The following NDUFS4 variants were observed in gnomAD, a reference collection of about 807,000 sequenced individuals.
NDUFS4 encodes the protein NADH dehydrogenase [ubiquinone] iron-sulfur protein 4, mitochondrial.
A neutral mutation model predicts 24.3 loss-of-function variants in NDUFS4; 28 were observed. That is an observed-to-expected ratio of 1.15 (90% CI 0.85 to 1.58). The LOEUF is 1.58. Ranked by LOEUF, NDUFS4 falls within the 40% of genes most tolerant of loss-of-function variation. The probability of loss-of-function intolerance (pLI) is 0.00; values close to 1 mark genes in which losing one functional copy is unlikely to be tolerated. For synonymous variants in NDUFS4, 93 were observed against 69.7 expected, an observed-to-expected ratio of 1.34 and a Z score of -1.67; for missense variants, 223 against 207.9, an observed-to-expected ratio of 1.07 and a Z score of -0.45.
chr5:53,587,906 C>G (rs1467966166), intron 1 of NDUFS4, among the ~76,000 whole-genome samples: 1 of 152,124 alleles, frequency 6.6e-6, no homozygotes, highest in African/African-American at 2.4e-5. Flanking sequence ...TAAATTACCA[C>G]TCAGTCAATG....
chr5:53,658,518 G>A (rs112872688), intron 3 of NDUFS4, 33 bp from the exon 4 acceptor site: 2 of 1,510,598 alleles, frequency 1.3e-6, no homozygotes, highest in African/African-American at 2.7e-5. Context: ...AAAGCTTAAT[G>A]TTAAATCTTG....
intron 2 of NDUFS4, among the ~76,000 whole-genome samples, chr5:53,639,217 CTA>C (rs144977023): frequency 0.096 from 14,479 of 150,978 alleles, 998 homozygotes; most frequent in Admixed American, 0.2. Flanking sequence ...GTAGCTTAAA[CTA>C]TATATATATA....
intron 1 of NDUFS4, among the ~76,000 whole-genome samples, chr5:53,575,652 G>T (rs1336722452): frequency 7.2e-6 from 1 of 139,736 alleles, no homozygotes; most frequent in East Asian, 2.3e-4. Context: ...ATCGATTCAT[G>T]TGCCTCAGCC....
intron 1 of NDUFS4, among the ~76,000 whole-genome samples, chr5:53,571,149 A>G (rs1447010079): frequency 1.3e-5 from 2 of 152,188 alleles, no homozygotes; most frequent in Non-Finnish European, 1.5e-5. Context: ...TACAACCAAA[A>G]CCACAATTTT....
At chr5:53,576,140 TAC>T (rs1749382349) in intron 1 of NDUFS4, among the ~76,000 whole-genome samples, 1 of 152,254 alleles carries the variant, frequency 6.6e-6, no homozygotes, top group African/African-American at 2.4e-5. Flanking sequence ...TAGAAATAGA[TAC>T]AGTCATATGT....
chr5:53,619,193 G>A (rs1020743590), intron 2 of NDUFS4, among the ~76,000 whole-genome samples: 4 of 150,490 alleles, frequency 2.7e-5, no homozygotes, highest in South Asian at 2.1e-4. Context: ...ATTAGAGGCC[G>A]GGCACGGTGG....
intron 2 of NDUFS4, among the ~76,000 whole-genome samples, chr5:53,637,279 A>G (rs542348773): frequency 1.3e-5 from 2 of 152,304 alleles, no homozygotes; most frequent in African/African-American, 4.8e-5. Context: ...TAAGGCAACC[A>G]TACAACCATG....
chr5:53,683,248 A>C lies in NDUFS4; in HGVS notation c.*27A>C, dbSNP rs367657335. The C allele has an allele frequency of 1.2e-5, 18 of 1,472,242 alleles. No homozygotes were observed. Among genetic ancestry groups the C allele is most frequent in the Non-Finnish European group, 1.7e-5 (18 of 1,051,576 alleles). 91.2% of individuals were successfully genotyped at this position (1,472,242 alleles called of 1,614,324 possible). ...TTGGCACTGACTATATCTCTGCTTGACTGTGAATAAAGTCAGCTGTGCAGT... is the reference window on the plus strand; with the variant it reads ...TTGGCACTGACTATATCTCTGCTTGCCTGTGAATAAAGTCAGCTGTGCAGT... On this transcript the variant is annotated 3_prime_UTR_variant, in exon 5 of 5. Transcript: ENST00000296684.
rs371444102 is a variant in NDUFS4, at chr5:53,668,641, A to C, written c.424+10017A>C. 6.1e-5 allele frequency among the ~76,000 whole-genome samples: 9 copies of C among 146,688 alleles called. No homozygotes were observed. The East Asian group carries it at 1.6e-3, about 26-fold the overall frequency. On this transcript the variant is annotated intron_variant, in intron 4 of 4. Transcript: ENST00000296684. ...ATTTTTTTTTTTTTTTTTTTTTTAAAGTAGAGACAGGGTTTTACCATGTTG... is the reference window on the plus strand; with the variant it reads ...ATTTTTTTTTTTTTTTTTTTTTTAACGTAGAGACAGGGTTTTACCATGTTG...
intron 1 of NDUFS4, among the ~76,000 whole-genome samples, chr5:53,566,480 A>G (rs1749029774): frequency 6.6e-6 from 1 of 152,144 alleles, no homozygotes. Flanking sequence ...CAGTAATCCT[A>G]TCAACTCAGG....
chr5:53,663,332 A>T (rs1274739141), intron 4 of NDUFS4, among the ~76,000 whole-genome samples: 1 of 152,166 alleles, frequency 6.6e-6, no homozygotes, highest in Admixed American at 6.5e-5. Flanking sequence ...AGAGTTCTAT[A>T]GATGTCTATT....
intron 1 of NDUFS4, among the ~76,000 whole-genome samples, chr5:53,574,689 C>T (rs1342282743): frequency 6.6e-6 from 1 of 152,070 alleles, no homozygotes; most frequent in Non-Finnish European, 1.5e-5. Context: ...TTTTATTTCC[C>T]TTGAGACTTC....
chr5:53,599,120 A>G (rs1236523458), intron 1 of NDUFS4, among the ~76,000 whole-genome samples: 1 of 152,176 alleles, frequency 6.6e-6, no homozygotes, highest in African/African-American at 2.4e-5. Context: ...TTCTACATGA[A>G]CACTTACTAC....
intron 1 of NDUFS4, among the ~76,000 whole-genome samples, chr5:53,596,494 T>C (rs1017270134): frequency 1.3e-5 from 2 of 152,182 alleles, no homozygotes; most frequent in Admixed American, 6.5e-5. Flanking sequence ...AATTTTCCCA[T>C]TAACAGTTGG....
chr5:53,614,229 A>C (rs971466966), intron 2 of NDUFS4, among the ~76,000 whole-genome samples: 3 of 151,948 alleles, frequency 2.0e-5, no homozygotes, highest in African/African-American at 7.2e-5. Context: ...AATTCTTTAG[A>C]TAAATAAAAT....
At chr5:53,645,471 G>A (rs923394844) in intron 2 of NDUFS4, among the ~76,000 whole-genome samples, 1 of 152,112 alleles carries the variant, frequency 6.6e-6, no homozygotes, top group African/African-American at 2.4e-5. Flanking sequence ...TTTGATAAAT[G>A]TATCTACTCT....
chr5:53,637,898 T>G (rs2112497513), intron 2 of NDUFS4, among the ~76,000 whole-genome samples: 1 of 152,256 alleles, frequency 6.6e-6, no homozygotes, highest in South Asian at 2.1e-4. Flanking sequence ...ATGAGGCAAC[T>G]TAGACTATTG....
At chr5:53,635,597 A>C (rs967302037) in intron 2 of NDUFS4, among the ~76,000 whole-genome samples, 2 of 152,242 alleles carry the variant, frequency 1.3e-5, no homozygotes, top group South Asian at 2.1e-4. Flanking sequence ...GCTGCCAAAA[A>C]GTTGAAATTA....
At chr5:53,591,460 T>TG (rs1749953837) in intron 1 of NDUFS4, among the ~76,000 whole-genome samples, 2 of 45,310 alleles carry the variant, frequency 4.4e-5, no homozygotes, top group Admixed American at 2.0e-4. Context: ...TTTGTTTTTT[T>TG]TGGGGGGGGG....
Sources: allele counts gnomAD v4.1 joint callset (sites outside exome capture counted in the v4.1 genomes callset), GRCh38; gene constraint gnomAD v4.1.1; transcripts MANE v1.5; gene names NCBI Gene and HGNC (gene_info 2026-07-23, HGNC 2026-07-21).